ACVR2A: variants seen among roughly 807,000 people sequenced by gnomAD.
The protein encoded by ACVR2A is activin receptor type-2A.
A neutral mutation model predicts 61.4 loss-of-function variants in ACVR2A; 7 were observed. The observed-to-expected ratio is 0.11, with a 90% CI of 0.06 to 0.21. The LOEUF (loss-of-function observed/expected upper bound fraction) is 0.21, where lower values mean the gene tolerates loss of function less well. ACVR2A is among the 10% of genes least tolerant of loss of function. The pLI is 1.00. For missense variants in ACVR2A, 322 were observed against 621.7 expected, an observed-to-expected ratio of 0.52 and a Z score of 5.13; for synonymous variants, 193 against 208.3, an observed-to-expected ratio of 0.93 and a Z score of 0.63.
intron 1 of ACVR2A, among the ~76,000 whole-genome samples, chr2:147,881,333 T>C (rs1408365849): frequency 1.3e-5 from 2 of 152,312 alleles, no homozygotes; most frequent in East Asian, 3.9e-4. Context: ...AATAACAATT[T>C]GAAGTATATT....
chr2:147,875,398 G>A (rs998880246), intron 1 of ACVR2A, among the ~76,000 whole-genome samples: 1 of 151,990 alleles, frequency 6.6e-6, no homozygotes. Context: ...ATTGAGCAGT[G>A]TAACTACTTT....
At chr2:147,893,056 G>T (rs562848972) in intron 1 of ACVR2A, among the ~76,000 whole-genome samples, 1 of 152,022 alleles carries the variant, frequency 6.6e-6, no homozygotes, top group African/African-American at 2.4e-5. Flanking sequence ...GTTTCCTCAT[G>T]CCCTTTTGTA....
At position 147,892,278 on chromosome 2, in the gene ACVR2A, TA is replaced by T. The variant is rs772505521; in HGVS notation, c.56-4022del. On this transcript the variant is annotated intron_variant, in intron 1 of 10. Coordinates refer to ENST00000241416, the MANE Select transcript of ACVR2A (RefSeq NM_001616.5). ...AGCCACCGTGCTGGGCCCATTCTTT[TA>T]TACACGGTTGAGATGGAGTTACCAG... 1.0e-3 allele frequency among the ~76,000 whole-genome samples: 155 copies of T among 151,918 alleles called. 1 individual carries two copies. Among genetic ancestry groups the T allele is most frequent in the Non-Finnish European group, 1.6e-3 (107 of 67,942 alleles).
chr2:147,861,310 G>A (rs889862438), intron 1 of ACVR2A, among the ~76,000 whole-genome samples: 1 of 152,114 alleles, frequency 6.6e-6, no homozygotes, highest in African/African-American at 2.4e-5. Context: ...GTTTTGTTTA[G>A]GATGCAAGTA....
chr2:147,872,001 T>C (rs1686032717), intron 1 of ACVR2A, among the ~76,000 whole-genome samples: 1 of 152,070 alleles, frequency 6.6e-6, no homozygotes, highest in South Asian at 2.1e-4. Context: ...GAAGATTGCT[T>C]GTTCTCTGAT....
intron 1 of ACVR2A, among the ~76,000 whole-genome samples, chr2:147,859,292 G>C (rs541021730): frequency 2.6e-5 from 4 of 152,084 alleles, no homozygotes; most frequent in African/African-American, 9.6e-5. Context: ...GCTGGGGTTT[G>C]CATCCTAGGA....
chr2:147,865,883 G>T (rs1685839958), intron 1 of ACVR2A, among the ~76,000 whole-genome samples: 1 of 152,188 alleles, frequency 6.6e-6, no homozygotes, highest in Admixed American at 6.5e-5. Flanking sequence ...AGCTTTTGGA[G>T]TGGGGTCAGG....
At chr2:147,924,097 C>T (rs1484642428) in intron 9 of ACVR2A, among the ~76,000 whole-genome samples, 2 of 151,908 alleles carry the variant, frequency 1.3e-5, no homozygotes, top group Admixed American at 6.6e-5. Flanking sequence ...AAAGTTGAAG[C>T]AATTTTGGAA....
chr2:147,870,835 ATATACTTCTTTT>A (rs956008786), intron 1 of ACVR2A, among the ~76,000 whole-genome samples: 2 of 151,704 alleles, frequency 1.3e-5, no homozygotes, highest in African/African-American at 4.8e-5. Context: ...TTCCTTCTTT[ATATACTTCTTTT>A]TATACTTTCC....
intron 1 of ACVR2A, among the ~76,000 whole-genome samples, chr2:147,868,050 C>G (rs571219341): frequency 7.9e-5 from 12 of 152,174 alleles, no homozygotes; most frequent in Non-Finnish European, 1.6e-4. Flanking sequence ...ATTATTTTCT[C>G]TACTTCTCTC....
intron 1 of ACVR2A, among the ~76,000 whole-genome samples, chr2:147,882,526 C>T (rs1166099525): frequency 1.3e-5 from 2 of 152,146 alleles, no homozygotes; most frequent in African/African-American, 4.8e-5. Context: ...TGCACTCCAG[C>T]CTGAACAACA....
chr2:147,927,058 GTA>G lies in ACVR2A; in HGVS notation c.1348-18_1348-17del, dbSNP rs1360222692. On this transcript the variant is annotated intron_variant, in intron 10 of 10. Coordinates refer to ENST00000241416, the MANE Select transcript of ACVR2A (RefSeq NM_001616.5). ...AAACAAAAACTGCTGTGGCGTTTGA[GTA>G]TATGTTTTTCTCCTTTTAGGGAATG... 5.0e-6 allele frequency: 8 copies of G among 1,604,188 alleles called. No homozygotes were observed. Among genetic ancestry groups the G allele is most frequent in the East Asian group, 2.2e-5 (1 of 44,508 alleles).
chr2:147,870,093 G>C (rs1243507907), intron 1 of ACVR2A, among the ~76,000 whole-genome samples: 2 of 146,814 alleles, frequency 1.4e-5, no homozygotes, highest in Admixed American at 6.8e-5. Flanking sequence ...GGGGATGTGA[G>C]GTATGTGGGG....
At chr2:147,889,578 A>C (rs948810191) in intron 1 of ACVR2A, among the ~76,000 whole-genome samples, 1 of 151,874 alleles carries the variant, frequency 6.6e-6, no homozygotes, top group Non-Finnish European at 1.5e-5. Flanking sequence ...CCCTGTTTCC[A>C]CTAAAAATAC....
rs945186665 is a variant in ACVR2A, at chr2:147,915,117, C to CT, written c.529-67dup. On this transcript the variant is annotated intron_variant, in intron 4 of 10. Transcript: ENST00000241416. ...GTCAGTTGACTTTTCAGTATACTCA[C>CT]TTTTTTTCTCATTTTCAGAGTTGGT... is the stretch of plus-strand genomic sequence containing the variant. The CT allele has an allele frequency of 4.5e-5, 66 of 1,459,152 alleles. No individual in the cohort carries two copies. The African/African-American group carries it at 8.5e-4, about 19-fold the overall frequency. 90.4% of individuals were successfully genotyped at this position (1,459,152 alleles called of 1,614,324 possible). A position where few individuals can be genotyped will look rare whatever the true frequency, so the allele number is the denominator to read the frequency against.
chr2:147,912,092 C>T (rs1395640214), intron 4 of ACVR2A, among the ~76,000 whole-genome samples: 1 of 151,910 alleles, frequency 6.6e-6, no homozygotes, highest in East Asian at 1.9e-4. Flanking sequence ...AAAATTCACC[C>T]TTCAAATGGA....
intron 4 of ACVR2A, among the ~76,000 whole-genome samples, chr2:147,901,090 G>C (rs1402047983): frequency 6.6e-6 from 1 of 151,932 alleles, no homozygotes; most frequent in Non-Finnish European, 1.5e-5. Flanking sequence ...TAGTAGCTAA[G>C]TTTGTGTTCA....
rs1437536067 is a variant in ACVR2A, at chr2:147,928,417, G to T, written c.*1143G>T. The T allele has an allele frequency of 2.0e-5, 3 of 151,936 alleles. No homozygotes were observed. Among genetic ancestry groups the T allele is most frequent in the South Asian group, 2.1e-4 (1 of 4,814 alleles). The allele number at this position is 151,936 out of a possible 1,614,324, so 9.4% of individuals were successfully genotyped here. ...TTCCCCACTGTCTGCTATGAGACTT[G>T]TAACTTTATCACTATACTTCTGCTT... On this transcript the variant is annotated 3_prime_UTR_variant, in exon 11 of 11. Transcript: ENST00000241416.
intron 8 of ACVR2A, among the ~76,000 whole-genome samples, chr2:147,922,762 G>A (rs1310696287): frequency 6.6e-6 from 1 of 151,890 alleles, no homozygotes; most frequent in Non-Finnish European, 1.5e-5. Context: ...TCCAGAAAGG[G>A]GAACATAAAA....
Sources: gnomAD v4.1 joint callset for allele counts (sites outside exome capture counted in the v4.1 genomes callset) on GRCh38, gnomAD v4.1.1 for gene constraint, MANE v1.5 for transcripts, NCBI Gene and HGNC (gene_info 2026-07-23, HGNC 2026-07-21) for gene names.